The following MTUS2 variants were observed in gnomAD, a reference collection of about 807,000 sequenced individuals.
MTUS2 encodes microtubule-associated tumor suppressor candidate 2.
MTUS2 carries 40 observed loss-of-function variants against 114.1 expected under a neutral mutation model. That is an observed-to-expected ratio of 0.35 (90% CI 0.27 to 0.46). The LOEUF (loss-of-function observed/expected upper bound fraction) is 0.46, where lower values mean the gene tolerates loss of function less well. MTUS2 is among the 20% of genes least tolerant of loss of function. The pLI is 1.00. For missense variants in MTUS2, 1,679 were observed against 1,705.4 expected, an observed-to-expected ratio of 0.98 and a Z score of 0.27; for synonymous variants, 688 against 672.0, an observed-to-expected ratio of 1.02 and a Z score of -0.37.
rs1450567484 is a variant in MTUS2, at chr13:29,389,995, A to ATG, written c.3117+30524_3117+30525dup. Among the ~76,000 whole-genome samples the ATG allele has an allele frequency of 1.9e-5, 2 of 107,258 alleles. 1 individual carries two copies. Among genetic ancestry groups the ATG allele is most frequent in the African/African-American group, 6.8e-5 (2 of 29,226 alleles). The allele number at this position is 107,258 out of a possible 152,430, so 70.4% of individuals were successfully genotyped here. On this transcript the variant is annotated intron_variant, in intron 8 of 15. Transcript: ENST00000612955. ...TATACACATACATGTATGTGTATGT[A>ATG]TGTATGTGTATATATACACATACAT...
At chr13:29,245,410 T>C (rs1238279792) in intron 5 of MTUS2, among the ~76,000 whole-genome samples, 1 of 152,154 alleles carries the variant, frequency 6.6e-6, no homozygotes, top group Non-Finnish European at 1.5e-5. Context: ...GTGCAAGGTA[T>C]GTTCTAATCA....
At chr13:29,500,206 G>A (rs552989636) in intron 14 of MTUS2, among the ~76,000 whole-genome samples, 1 of 152,296 alleles carries the variant, frequency 6.6e-6, no homozygotes, top group East Asian at 1.9e-4. Flanking sequence ...GAATCTACTC[G>A]ATCACTTCAT....
chr13:29,331,417 G>C (rs9579321), intron 7 of MTUS2, among the ~76,000 whole-genome samples: 122,952 of 152,086 alleles, frequency 0.81, 50,610 homozygotes, highest in East Asian at 0.9. Flanking sequence ...GTTCGAATAT[G>C]CTTTATTTGT....
chr13:28,904,291 C>A (rs1315039329), intron 2 of MTUS2, among the ~76,000 whole-genome samples: 1 of 151,560 alleles, frequency 6.6e-6, no homozygotes, highest in East Asian at 1.9e-4. Flanking sequence ...AATTTTGTTG[C>A]CCTTGCTTTT....
chr13:29,164,448 T>C (rs549040846), intron 5 of MTUS2, among the ~76,000 whole-genome samples: 2 of 152,348 alleles, frequency 1.3e-5, no homozygotes, highest in African/African-American at 4.8e-5. Context: ...ACATAAATCT[T>C]AATGGTTTCA....
At chr13:29,483,391 G>A (rs575836487) in intron 10 of MTUS2, among the ~76,000 whole-genome samples, 6 of 152,334 alleles carry the variant, frequency 3.9e-5, no homozygotes, top group African/African-American at 1.2e-4. Flanking sequence ...TTGGCCCCCC[G>A]CCATCTCACA....
rs1000196556 is a variant in MTUS2, at chr13:29,357,371, T to A, written c.2906-1891T>A. Reference sequence around the variant, plus strand: ...CTCTAATTCACTGAGCTGGAAATTGTTTTATTATTTCCTTTAGATTTCTAA... The same window carrying A: ...CTCTAATTCACTGAGCTGGAAATTGATTTATTATTTCCTTTAGATTTCTAA... On this transcript the variant is annotated intron_variant, in intron 7 of 15. Transcript: ENST00000612955. Among the ~76,000 whole-genome samples, 3 of 152,202 alleles carry A rather than the reference T, an allele frequency of 2.0e-5. No homozygotes were observed. The East Asian group carries it at 5.8e-4, about 29-fold the overall frequency.
intron 8 of MTUS2, among the ~76,000 whole-genome samples, chr13:29,426,496 A>G (rs1295538506): frequency 6.6e-6 from 1 of 152,200 alleles, no homozygotes; most frequent in Non-Finnish European, 1.5e-5. Context: ...TCATCTTCTA[A>G]GACTAAAACT....
intron 8 of MTUS2, among the ~76,000 whole-genome samples, chr13:29,419,568 C>A (rs1361284027): frequency 6.6e-6 from 1 of 152,192 alleles, no homozygotes; most frequent in African/African-American, 2.4e-5. Flanking sequence ...CCACATGTCT[C>A]CATCCCAGTT....
In MTUS2 at chr13:29,505,357, A is replaced by G. The variant is rs1190367491; in HGVS notation, c.*2151A>G. 1.7e-5 allele frequency: 4 copies of G among 231,618 alleles called. No individual in the cohort carries two copies. The highest frequency in any genetic ancestry group is 3.4e-5 in the Non-Finnish European group (4 of 116,848). 14.3% of individuals were successfully genotyped at this position (231,618 alleles called of 1,614,324 possible). On this transcript the variant is annotated 3_prime_UTR_variant, in exon 16 of 16. Transcript: ENST00000612955. ...TCAGAGTTGTAGCATCGTTAGCACT[A>G]AGTAATTCCTCATTAGGTGGACTTC...
chr13:29,279,569 T>G (rs1282161639), intron 5 of MTUS2, among the ~76,000 whole-genome samples: 1 of 152,264 alleles, frequency 6.6e-6, no homozygotes, highest in Non-Finnish European at 1.5e-5. Flanking sequence ...TACTGAATAA[T>G]GCATCTTTAA....
intron 5 of MTUS2, among the ~76,000 whole-genome samples, chr13:29,272,353 C>T (rs750130347): frequency 4.6e-5 from 7 of 152,102 alleles, no homozygotes; most frequent in Admixed American, 2.0e-4. Flanking sequence ...ATATTGATAT[C>T]CAAAGTCAGC....
At chr13:28,838,843 T>C (rs1024503045) in intron 1 of MTUS2, among the ~76,000 whole-genome samples, 1 of 152,218 alleles carries the variant, frequency 6.6e-6, no homozygotes, top group African/African-American at 2.4e-5. Context: ...TGGAGCTAAT[T>C]CCTTTCCTTT....
chr13:28,968,869 A>G (rs1016580273), intron 2 of MTUS2, among the ~76,000 whole-genome samples: 1 of 152,232 alleles, frequency 6.6e-6, no homozygotes, highest in African/African-American at 2.4e-5. Context: ...TATTCAAAGT[A>G]TACTAAAAAT....
chr13:29,482,939 G>A (rs1881305192), intron 10 of MTUS2, among the ~76,000 whole-genome samples: 1 of 152,190 alleles, frequency 6.6e-6, no homozygotes, highest in Non-Finnish European at 1.5e-5. Context: ...AGGAAGTGAG[G>A]AAGATGAAAT....
Position 29,503,665 on chromosome 13 carries a change from T to G in MTUS2, c.*459T>G, listed in dbSNP as rs958431246. ...TGAAGGTCAGCAGTTTTCTAACTTG[T>G]GCCTAAGAATTATTGGGAAATGAAA... is the stretch of plus-strand genomic sequence containing the variant. On this transcript the variant is annotated 3_prime_UTR_variant, in exon 16 of 16. Coordinates refer to ENST00000612955, the MANE Select transcript of MTUS2 (RefSeq NM_001033602.4). The G allele has an allele frequency of 4.2e-6, 1 of 236,498 alleles. No homozygotes were observed. Among genetic ancestry groups the G allele is most frequent in the African/African-American group, 2.2e-5 (1 of 45,260 alleles). 14.6% of individuals were successfully genotyped at this position (236,498 alleles called of 1,614,324 possible).
At chr13:28,860,093 T>C (rs1304505706) in intron 2 of MTUS2, among the ~76,000 whole-genome samples, 1 of 152,226 alleles carries the variant, frequency 6.6e-6, no homozygotes, top group East Asian at 1.9e-4. Flanking sequence ...AATTGCCATG[T>C]GCTATGATGT....
chr13:29,115,267 C>G (rs765305447), intron 5 of MTUS2, among the ~76,000 whole-genome samples: 24 of 152,156 alleles, frequency 1.6e-4, no homozygotes, highest in Non-Finnish European at 2.8e-4. Context: ...GTTGAATGTT[C>G]TTATGCGGTT....
intron 5 of MTUS2, among the ~76,000 whole-genome samples, chr13:29,277,360 T>G (rs533887204): frequency 6.6e-6 from 1 of 152,356 alleles, no homozygotes; most frequent in South Asian, 2.1e-4. Context: ...TTGTGTCCAT[T>G]GAAAATGTTG....
Sources: allele counts gnomAD v4.1 joint callset (sites outside exome capture counted in the v4.1 genomes callset), GRCh38; gene constraint gnomAD v4.1.1; transcripts MANE v1.5; gene names NCBI Gene and HGNC (gene_info 2026-07-23, HGNC 2026-07-21).